Variants in SPIRE2 observed in about 807,000 individuals in gnomAD.
SPIRE2 encodes protein spire homolog 2.
Under a neutral mutation model 80.7 loss-of-function variants are expected in SPIRE2, and 76 were observed. The ratio of observed to expected loss-of-function variants is 0.94; its 90% confidence interval spans 0.78 to 1.14. The LOEUF (loss-of-function observed/expected upper bound fraction) is 1.14, where lower values mean the gene tolerates loss of function less well. Among genes scored for constraint, SPIRE2 ranks in the 50% most tolerant of loss-of-function variants. The probability of loss-of-function intolerance (pLI) is 0.00; values close to 1 mark genes in which losing one functional copy is unlikely to be tolerated. For synonymous variants in SPIRE2, 535 were observed against 432.6 expected, an observed-to-expected ratio of 1.24 and a Z score of -2.94; for missense variants, 1,196 against 1,015.3, an observed-to-expected ratio of 1.18 and a Z score of -2.42.
chr16:89,863,377 T>C lies in SPIRE2; in HGVS notation c.1576-99T>C. The C allele has an allele frequency of 7.1e-7, 1 of 1,404,834 alleles. No homozygotes were observed. Among genetic ancestry groups the C allele is most frequent in the Non-Finnish European group, 9.8e-7 (1 of 1,023,712 alleles). 87.0% of individuals were successfully genotyped at this position (1,404,834 alleles called of 1,614,324 possible). A position where few individuals can be genotyped will look rare whatever the true frequency, so the allele number is the denominator to read the frequency against. ...AGCGTTTTAGAAGGTCGCAGGCTTG[T>C]TTAGGCTGAGGCCAGGGAGGGTTAG... is the stretch of plus-strand genomic sequence containing the variant. On this transcript the variant is annotated intron_variant, in intron 10 of 14. Transcript: ENST00000378247. The surrounding 1 kb of genome is among the most constrained non-coding windows in gnomAD (Gnocchi z 4.3).
Position 89,855,698 on chromosome 16 carries a change from G to C in SPIRE2, c.978+12G>C. ...CTCCACTGAAGCAGGTGCTGCCCCA[G>C]CCTCCTCCTCCTCAGGGGCCGCCCG... On this transcript the variant is annotated intron_variant, in intron 6 of 14. Transcript: ENST00000378247. 1 of 1,612,322 alleles carries C rather than the reference G, an allele frequency of 6.2e-7. No individual in the cohort carries two copies. Among genetic ancestry groups the C allele is most frequent in the South Asian group, 1.1e-5 (1 of 91,020 alleles).
rs2041669635 is a variant in SPIRE2 at position 89,854,553 on chromosome 16, C to T, written c.793C>T (p.Gln265Ter). The T allele has an allele frequency of 6.2e-7, 1 of 1,612,652 alleles. No homozygotes were observed. Among genetic ancestry groups the T allele is most frequent in the South Asian group, 1.1e-5 (1 of 91,090 alleles). The change falls in exon 5 of 15, where the codon CAG becomes TAG. Residue 265 changes from glutamine (Q) to a stop codon, truncating the protein, a stop_gained. Coordinates refer to ENST00000378247, the MANE Select transcript of SPIRE2 (RefSeq NM_032451.2). LOFTEE classifies it high-confidence loss of function. ...AGTGAAGCTGAAGAAGGTGCAAGAG[C>T]AGGAGTTCAACCCCCTCCCCACCGA... The part of the protein sequence containing the change: ...RGVKLKKVQE[Q>*]EFNPLPTEFQ...
Position 89,870,228 on chromosome 16 carries a change from C to A in SPIRE2, c.2101C>A (p.Gln701Lys). 6.2e-7 allele frequency: 1 copy of A among 1,606,154 alleles called. No homozygotes were observed. The highest frequency in any genetic ancestry group is 2.2e-5 in the East Asian group (1 of 44,644). Residue 701 changes from glutamine (Q) to lysine (K), a missense_variant, in exon 15 of 15, where the codon CAA (glutamine) becomes AAA (lysine). Coordinates refer to ENST00000378247, the MANE Select transcript of SPIRE2 (RefSeq NM_032451.2). ...TACGCCACGACGCAGTCGCCAGACC[C>A]AATCCCTCTACATCCCTAACACCAG... ...NTTPRRSRQT[Q>K]SLYIPNTRTL...
At chr16:89,837,715 C>G (rs987421443) in intron 1 of SPIRE2, among the ~76,000 whole-genome samples, 2 of 152,132 alleles carry the variant, frequency 1.3e-5, no homozygotes, top group African/African-American at 4.8e-5. Flanking sequence ...GGACTCGGGT[C>G]TCCGCAGGCA....
intron 10 of SPIRE2, among the ~76,000 whole-genome samples, chr16:89,861,522 T>C (rs756383602): frequency 5.3e-5 from 8 of 152,232 alleles, no homozygotes; most frequent in Non-Finnish European, 8.8e-5. Context: ...AGGCAGGGCT[T>C]GCCCCGTTAG....
intron 12 of SPIRE2, among the ~76,000 whole-genome samples, chr16:89,864,771 G>T (rs550651592): frequency 6.6e-6 from 1 of 152,272 alleles, no homozygotes; most frequent in Non-Finnish European, 1.5e-5. Context: ...GGATCAAACT[G>T]TTCACAAGTA....
At position 89,828,947 on chromosome 16, in the gene SPIRE2, C is replaced by T. The variant is rs1204264405; in HGVS notation, c.244+153C>T. ...GACCCGGAGCTCCCTCCCTCCCACTCTCCGTCCCTCTTTCCCTCTCTCTTT... is the reference window on the plus strand; with the variant it reads ...GACCCGGAGCTCCCTCCCTCCCACTTTCCGTCCCTCTTTCCCTCTCTCTTT... On this transcript the variant is annotated intron_variant, in intron 1 of 14. Coordinates refer to ENST00000378247, the MANE Select transcript of SPIRE2 (RefSeq NM_032451.2). The surrounding 1 kb of genome is among the most constrained non-coding windows in gnomAD (Gnocchi z 5.9). Among the ~76,000 whole-genome samples the T allele has an allele frequency of 6.6e-6, 1 of 152,166 alleles. No individual in the cohort carries two copies. Among genetic ancestry groups the T allele is most frequent in the Non-Finnish European group, 1.5e-5 (1 of 68,008 alleles).
At chr16:89,853,254 C>T (rs543973000) in intron 3 of SPIRE2, among the ~76,000 whole-genome samples, 5 of 152,330 alleles carry the variant, frequency 3.3e-5, no homozygotes, top group South Asian at 4.1e-4. Context: ...CCTCCCACTT[C>T]GGCCTCCCAG....
At chr16:89,869,053 A>AATATATATATATATATATATAT (rs1555601129) in intron 13 of SPIRE2, among the ~76,000 whole-genome samples, 3 of 24,012 alleles carry the variant, frequency 1.2e-4, no homozygotes, top group African/African-American at 1.6e-4. Flanking sequence ...AAAAAAAAAA[A>AATATATATATATATATATATAT]ATATATATAT....
intron 9 of SPIRE2, among the ~76,000 whole-genome samples, 158 bp downstream of exon 9, chr16:89,859,512 TCTC>T (rs1336935116): frequency 6.6e-6 from 1 of 152,166 alleles, no homozygotes; most frequent in East Asian, 1.9e-4. Flanking sequence ...CAGGCAGGCA[TCTC>T]CTTTTGTTTA....
chr16:89,850,588 C>T lies in SPIRE2; in HGVS notation c.573C>T (p.Ala191=), dbSNP rs1374145828. Residue 191 remains alanine (A), a synonymous_variant, in exon 3 of 15, where the codon GCC becomes GCT. Transcript: ENST00000378247. ...DPRGAQAHYQ[A]VCRALFVETL... is the part of the protein sequence containing the mutation. ...GGGGCGCACAGGCGCATTACCAGGCCGTGTGCCGCGCGCTCTTCGTGGAGA... is the reference window on the plus strand; with the variant it reads ...GGGGCGCACAGGCGCATTACCAGGCTGTGTGCCGCGCGCTCTTCGTGGAGA... The T allele has an allele frequency of 2.6e-6, 4 of 1,517,916 alleles. No homozygotes were observed. Among genetic ancestry groups the T allele is most frequent in the East Asian group, 2.5e-5 (1 of 40,574 alleles). The allele number at this position is 1,517,916 out of a possible 1,614,324, so 94.0% of individuals were successfully genotyped here.
intron 13 of SPIRE2, among the ~76,000 whole-genome samples, chr16:89,869,053 A>AAACAAACATATATATATATAT: frequency 1.2e-4 from 3 of 24,036 alleles, no homozygotes; most frequent in African/African-American, 4.9e-4. Context: ...AAAAAAAAAA[A>AAACAAACATATATATATATAT]ATATATATAT....
rs376288661 is a variant in SPIRE2 at position 89,858,953 on chromosome 16, C to A, written c.1273-212C>A. ...GGCTCTGCCTCCGTCTGACACTAGA[C>A]CTGTCCCTTTCCGGAAGGCCTGGGG... On this transcript the variant is annotated intron_variant, in intron 8 of 14. Transcript: ENST00000378247. 5.3e-5 allele frequency among the ~76,000 whole-genome samples: 8 copies of A among 152,330 alleles called. 1 individual carries two copies. Among genetic ancestry groups the A allele is most frequent in the Admixed American group, 2.0e-4 (3 of 15,306 alleles).
At chr16:89,868,086 G>C in intron 12 of SPIRE2, 103 bp from the exon 13 acceptor site, 2 of 1,266,730 alleles carry the variant, frequency 1.6e-6, no homozygotes, top group Non-Finnish European at 2.3e-6. Flanking sequence ...CAGAAGGCAA[G>C]GATGGTTTGA....
chr16:89,844,660 G>A (rs1175713006), intron 1 of SPIRE2, among the ~76,000 whole-genome samples: 3 of 152,060 alleles, frequency 2.0e-5, no homozygotes, highest in Admixed American at 6.6e-5. Context: ...GGATGGCCCC[G>A]ATCTCCTGAC....
intron 1 of SPIRE2, 49 bp from the exon 2 acceptor site, chr16:89,845,273 G>C (rs17719345): frequency 0.18 from 288,213 of 1,575,056 alleles, 28,760 homozygotes; most frequent in Middle Eastern, 0.28. Flanking sequence ...AGTGTTTATT[G>C]GGGTCCCGGG....
At chr16:89,859,021 G>A in intron 8 of SPIRE2, 144 bp from the exon 9 acceptor site, 2 of 693,178 alleles carry the variant, frequency 2.9e-6, no homozygotes, top group Non-Finnish European at 4.6e-6. Flanking sequence ...CTGTCCAGAG[G>A]CGGGCAGGCT....
intron 1 of SPIRE2, among the ~76,000 whole-genome samples, chr16:89,839,124 G>A (rs928696106): frequency 2.0e-5 from 3 of 151,982 alleles, no homozygotes; most frequent in Non-Finnish European, 4.4e-5. Context: ...GGTGGATCAC[G>A]AGGTCAGGAG....
rs750435548 is a variant in SPIRE2, at chr16:89,858,320, C to T, written c.1103-18C>T. 3.4e-5 allele frequency: 54 copies of T among 1,566,278 alleles called. 1 individual carries two copies. Among genetic ancestry groups the T allele is most frequent in the South Asian group, 1.9e-4 (16 of 83,966 alleles). ...CCCCGTTCACTGGCCCGTCCTGCCTCGGCTCCCGTCTCCCCAGGGTTTGGC... is the reference window on the plus strand; with the variant it reads ...CCCCGTTCACTGGCCCGTCCTGCCTTGGCTCCCGTCTCCCCAGGGTTTGGC... On this transcript the variant is annotated intron_variant, in intron 7 of 14. Coordinates refer to ENST00000378247, the MANE Select transcript of SPIRE2 (RefSeq NM_032451.2).
Sources: allele counts gnomAD v4.1 joint callset (sites outside exome capture counted in the v4.1 genomes callset), GRCh38; gene constraint gnomAD v4.1.1; non-coding constraint Gnocchi (gnomAD v3.1); transcripts MANE v1.5; gene names NCBI Gene and HGNC (gene_info 2026-07-23, HGNC 2026-07-21).